CPEB2: variants seen among roughly 807,000 people sequenced by gnomAD.
CPEB2 encodes cytoplasmic polyadenylation element binding protein 2.
Under a neutral mutation model 93.6 loss-of-function variants are expected in CPEB2, and 56 were observed. The observed-to-expected ratio is 0.60, with a 90% confidence interval of 0.48 to 0.75. The LOEUF is 0.75. Among genes scored for constraint, CPEB2 ranks in the 30% least tolerant of loss-of-function variants. The pLI is 0.00. For missense variants in CPEB2, 1,579 were observed against 1,395.1 expected (o/e 1.13, Z -2.10); for synonymous variants, 764 against 586.3 (o/e 1.30, Z -4.38).
At chr4:15,014,688 T>C (rs901222274) in intron 3 of CPEB2, among the ~76,000 whole-genome samples, 2 of 152,024 alleles carry the variant, frequency 1.3e-5, no homozygotes, top group African/African-American at 4.8e-5. Context: ...CATTTTTTAT[T>C]GAGTTTTTAT....
chr4:15,035,926 A>G (rs1219246150), intron 5 of CPEB2, among the ~76,000 whole-genome samples: 1 of 152,242 alleles, frequency 6.6e-6, no homozygotes, highest in Non-Finnish European at 1.5e-5. Flanking sequence ...AGTTTCTTTA[A>G]TAAAACATAC....
chr4:15,004,354 T>C lies in CPEB2; in HGVS notation c.1662+19T>C. ...CCACCAGGTACGGCGGGCGGCGGCC[T>C]GGCCGCGCCGCGGGACCGGGAGACC... is the stretch of plus-strand genomic sequence containing the variant. On this transcript the variant is annotated intron_variant, in intron 1 of 11. Transcript: ENST00000538197. The C allele has an allele frequency of 7.1e-7, 1 of 1,416,430 alleles. No homozygotes were observed. Among genetic ancestry groups the C allele is most frequent in the Non-Finnish European group, 9.1e-7 (1 of 1,093,192 alleles). 87.7% of individuals were successfully genotyped at this position (1,416,430 alleles called of 1,614,324 possible).
chr4:15,003,190 C>G lies in CPEB2; in HGVS notation c.517C>G (p.Gln173Glu). 6.5e-7 allele frequency: 1 copy of G among 1,534,354 alleles called. No homozygotes were observed. The highest frequency in any genetic ancestry group is 8.7e-7 in the Non-Finnish European group (1 of 1,146,354). The change falls in exon 1 of 12, where the codon CAG (glutamine) becomes GAG (glutamate). Residue 173 changes from glutamine (Q) to glutamate (E), a missense_variant. Gln to Glu is a conservative substitution (Grantham distance 29, BLOSUM62 2). Transcript: ENST00000538197. ...PQDFSKRQQQ[Q>E]LSSQKRKEFS... ...GGACTTCAGTAAGCGGCAGCAGCAG[C>G]AGCTGAGCAGCCAGAAGAGGAAAGA...
At chr4:15,035,959 TGGCAA>T (rs1560236961) in intron 5 of CPEB2, among the ~76,000 whole-genome samples, 4 of 152,214 alleles carry the variant, frequency 2.6e-5, no homozygotes, top group Non-Finnish European at 5.9e-5. Flanking sequence ...TGGGCCGATA[TGGCAA>T]ATATATCTGT....
intron 2 of CPEB2, 52 bp from the exon 3 acceptor site, chr4:15,008,286 G>T: frequency 8.2e-7 from 1 of 1,224,894 alleles, no homozygotes; most frequent in Non-Finnish European, 1.2e-6. Flanking sequence ...CGTTGGGTGG[G>T]TATGGGGAAG....
rs187496459 is a variant in CPEB2, at chr4:15,069,690, T to C, written c.*3310T>C. 2.6e-5 allele frequency: 4 copies of C among 152,362 alleles called. No homozygotes were observed. Among genetic ancestry groups the C allele is most frequent in the Admixed American group, 6.6e-5 (1 of 15,230 alleles). The allele number at this position is 152,362 out of a possible 1,614,324, so 9.4% of individuals were successfully genotyped here. On this transcript the variant is annotated 3_prime_UTR_variant, in exon 12 of 12. Coordinates refer to ENST00000538197, the MANE Select transcript of CPEB2 (RefSeq NM_001177382.2). The stretch of plus-strand genomic sequence containing the variant: ...GAAATATATAATTTTATGACACTAA[T>C]TGCTAAAGTTTATTTTATGTTGAAT...
chr4:15,035,879 C>T (rs1726553075), intron 5 of CPEB2, among the ~76,000 whole-genome samples: 1 of 152,110 alleles, frequency 6.6e-6, no homozygotes, highest in Admixed American at 6.5e-5. Flanking sequence ...TTAGAAAATG[C>T]AGAACTGACA....
intron 8 of CPEB2, among the ~76,000 whole-genome samples, chr4:15,054,795 A>G (rs1728565528): frequency 6.6e-6 from 1 of 152,224 alleles, no homozygotes; most frequent in African/African-American, 2.4e-5. Context: ...CCTGCCCCCA[A>G]TAACAAGAGG....
Position 15,007,300 on chromosome 4 carries a change from C to T in CPEB2, c.1663-5C>T, listed in dbSNP as rs542894866. The T allele has an allele frequency of 2.1e-6, 3 of 1,454,986 alleles. No individual in the cohort carries two copies. The highest frequency in any genetic ancestry group is 2.9e-5 in the African/African-American group (2 of 70,174). 90.1% of individuals were successfully genotyped at this position (1,454,986 alleles called of 1,614,324 possible). A position where few individuals can be genotyped will look rare whatever the true frequency, so the allele number is the denominator to read the frequency against. On this transcript the variant is annotated splice_region_variant and splice_polypyrimidine_tract_variant and intron_variant, in intron 1 of 11. Transcript: ENST00000538197. ...CCGCAATTTAAATAGCTATGTTTTCCCTAGCCTCTTCTGAAACAGTCTCCC... is the reference window on the plus strand; with the variant it reads ...CCGCAATTTAAATAGCTATGTTTTCTCTAGCCTCTTCTGAAACAGTCTCCC...
chr4:15,058,468 A>G lies in CPEB2; in HGVS notation c.2509A>G (p.Ile837Val). The G allele has an allele frequency of 1.9e-6, 3 of 1,613,136 alleles. No homozygotes were observed. The highest frequency in any genetic ancestry group is 2.5e-6 in the Non-Finnish European group (3 of 1,179,260). ...AGAAGAGAGCTCAGTTCAGGCACTCATTGATGCTTGTATTGAAGAAGATGG... is the reference window on the plus strand; with the variant it reads ...AGAAGAGAGCTCAGTTCAGGCACTCGTTGATGCTTGTATTGAAGAAGATGG... Reference protein sequence around the residue: ...FQEESSVQALIDACIEEDGKL... With the variant: ...FQEESSVQALVDACIEEDGKL... Residue 837 changes from isoleucine (I) to valine (V), a missense_variant, in exon 9 of 12, where the codon ATT becomes GTT. Transcript: ENST00000538197.
chr4:15,044,714 T>A (rs1727492416), intron 6 of CPEB2, among the ~76,000 whole-genome samples: 3 of 152,120 alleles, frequency 2.0e-5, no homozygotes, highest in Admixed American at 2.0e-4. Context: ...GAAATATACT[T>A]CTGTTGTTTT....
At chr4:15,061,932 C>CT in intron 10 of CPEB2, 147 bp from the exon 11 acceptor site, 1 of 709,124 alleles carries the variant, frequency 1.4e-6, no homozygotes, top group Non-Finnish European at 2.3e-6. Context: ...GATCCCCGTC[C>CT]TTTTTTAACA....
chr4:15,008,390 G>T lies in CPEB2; in HGVS notation c.1997G>T (p.Ser666Ile). The T allele has an allele frequency of 6.2e-7, 1 of 1,613,938 alleles. No homozygotes were observed. Among genetic ancestry groups the T allele is most frequent in the Non-Finnish European group, 8.5e-7 (1 of 1,179,902 alleles). The change falls in exon 3 of 12, where the codon AGT becomes ATT. Residue 666 changes from serine to isoleucine, a missense_variant. By Grantham distance (142) the Ser-to-Ile change is moderately radical (BLOSUM62 -2). Around this residue, in one of 2 missense-constraint regions of CPEB2, gnomAD observed 1,411 missense variants for 1,056.0 expected, o/e 1.34. Coordinates refer to ENST00000538197, the MANE Select transcript of CPEB2 (RefSeq NM_001177382.2). Reference protein sequence around the residue: ...PAWGSDSLQDSWCTAAGTSRI... With the variant: ...PAWGSDSLQDIWCTAAGTSRI... ...TGGGGCTCAGATTCACTCCAAGATA[G>T]TTGGTGCACTGCAGCCGGAACATCC...
At chr4:15,058,174 T>G (rs926708977) in intron 8 of CPEB2, among the ~76,000 whole-genome samples, 1 of 152,228 alleles carries the variant, frequency 6.6e-6, no homozygotes, top group African/African-American at 2.4e-5. Context: ...CAAATACTAA[T>G]GCATGTAAGT....
chr4:15,055,593 T>C (rs1287140622), intron 8 of CPEB2, among the ~76,000 whole-genome samples: 1 of 152,196 alleles, frequency 6.6e-6, no homozygotes, highest in Non-Finnish European at 1.5e-5. Flanking sequence ...TCTAGCCCTC[T>C]TCAGTTTTCT....
At chr4:15,053,645 C>T (rs991839927) in intron 7 of CPEB2, among the ~76,000 whole-genome samples, 3 of 152,108 alleles carry the variant, frequency 2.0e-5, no homozygotes. Flanking sequence ...TGGATGTAAC[C>T]TATGTGGATT....
rs1560204118 is a variant in CPEB2 at position 15,003,136 on chromosome 4, TG to T, written c.464del (p.Cys155SerfsTer20). The T allele has an allele frequency of 6.5e-7, 1 of 1,529,188 alleles. No individual in the cohort carries two copies. The highest frequency in any genetic ancestry group is 2.0e-5 in the Admixed American group (1 of 50,184). 94.7% of individuals were successfully genotyped at this position (1,529,188 alleles called of 1,614,324 possible). On this transcript the variant is annotated frameshift_variant, in exon 1 of 12. Coordinates refer to ENST00000538197, the MANE Select transcript of CPEB2 (RefSeq NM_001177382.2). LOFTEE classifies it high-confidence loss of function. ...CCCCTCCTCCTCCTCCGCCTCCTCCTGCTGCTGCTGCCGCACCTCCTCCCCG... is the reference window on the plus strand; with the variant it reads ...CCCCTCCTCCTCCTCCGCCTCCTCCTCTGCTGCTGCCGCACCTCCTCCCCG... The part of the protein sequence containing the change: ...HHPSSSSASS[C>X]CCCRTSSPQD...
chr4:15,003,660 G>A lies in CPEB2; in HGVS notation c.987G>A (p.Leu329=). ...HPLLNSPSNL[L]PGGALGAGAF... is the part of the protein sequence containing the mutation. ...TGCTCAACAGTCCCAGTAACCTCCT[G>A]CCCGGAGGTGCGCTTGGCGCGGGCG... Residue 329 remains leucine, a synonymous_variant, in exon 1 of 12, where the codon CTG becomes CTA. Coordinates refer to ENST00000538197, the MANE Select transcript of CPEB2 (RefSeq NM_001177382.2). The A allele has an allele frequency of 2.0e-6, 3 of 1,471,172 alleles. No individual in the cohort carries two copies. The highest frequency in any genetic ancestry group is 2.7e-6 in the Non-Finnish European group (3 of 1,114,544). The allele number at this position is 1,471,172 out of a possible 1,614,324, so 91.1% of individuals were successfully genotyped here.
In CPEB2 at chr4:15,011,106, T is replaced by C. The variant is rs2702522; in HGVS notation, c.2034+2679T>C. On this transcript the variant is annotated intron_variant, in intron 3 of 11. Transcript: ENST00000538197. ...TATCTCTATGAATTTCTTTTCTTTTTTTTTTTTTTTTTTTGAGACAGTTTC... is the reference window on the plus strand; with the variant it reads ...TATCTCTATGAATTTCTTTTCTTTTCTTTTTTTTTTTTTTGAGACAGTTTC... Among the ~76,000 whole-genome samples, 1,222 of 148,572 alleles carry C rather than the reference T, an allele frequency of 8.2e-3. 18 individuals carry two copies. The highest frequency in any genetic ancestry group is 0.028 in the African/African-American group (1,149 of 40,808).
Sources: allele counts gnomAD v4.1 joint callset (sites outside exome capture counted in the v4.1 genomes callset), GRCh38; gene constraint gnomAD v4.1.1; regional missense constraint gnomAD v4.1.1; transcripts MANE v1.5; gene names NCBI Gene and HGNC (gene_info 2026-07-23, HGNC 2026-07-21).